The following CNTNAP2 variants were observed in gnomAD, a reference collection of about 807,000 sequenced individuals.
CNTNAP2 encodes contactin associated protein 2.
Under a neutral mutation model 155.2 loss-of-function variants are expected in CNTNAP2, and 98 were observed. That is an observed-to-expected ratio of 0.63 (90% confidence interval 0.54 to 0.75). The LOEUF (loss-of-function observed/expected upper bound fraction) is 0.75. CNTNAP2 is among the 30% of genes least tolerant of loss of function. CNTNAP2 has a pLI of 0.00. For synonymous variants in CNTNAP2, 651 were observed against 631.2 expected, an observed-to-expected ratio of 1.03 and a Z score of -0.47; for missense variants, 1,727 against 1,688.1, an observed-to-expected ratio of 1.02 and a Z score of -0.40.
intron 14 of CNTNAP2, among the ~76,000 whole-genome samples, chr7:147,920,811 T>G (rs982571519): frequency 2.1e-5 from 3 of 144,376 alleles, no homozygotes; most frequent in Admixed American, 2.1e-4. Context: ...CTGTCTTTTT[T>G]TTTTTTTTTT....
At chr7:148,085,968 T>A (rs1388409732) in intron 15 of CNTNAP2, among the ~76,000 whole-genome samples, 1 of 152,234 alleles carries the variant, frequency 6.6e-6, no homozygotes, top group Non-Finnish European at 1.5e-5. Context: ...TTCAGTCACC[T>A]TTCTATTGCA....
At chr7:147,891,257 C>T (rs1031215605) in intron 13 of CNTNAP2, among the ~76,000 whole-genome samples, 14 of 150,824 alleles carry the variant, frequency 9.3e-5, no homozygotes, top group Admixed American at 2.0e-4. Flanking sequence ...CAGGCTGGAG[C>T]GCAGTGGTGA....
chr7:147,435,481 C>G (rs1182673052), intron 10 of CNTNAP2, among the ~76,000 whole-genome samples: 1 of 152,196 alleles, frequency 6.6e-6, no homozygotes, highest in Non-Finnish European at 1.5e-5. Context: ...GGATCTGAGA[C>G]TATATATCCA....
At chr7:148,059,671 G>A (rs1010142245) in intron 15 of CNTNAP2, among the ~76,000 whole-genome samples, 1 of 149,400 alleles carries the variant, frequency 6.7e-6, no homozygotes, top group Non-Finnish European at 1.5e-5. Flanking sequence ...CTTCATGTAG[G>A]TTATTAAAAA....
At chr7:146,225,840 A>C (rs997802422) in intron 1 of CNTNAP2, among the ~76,000 whole-genome samples, 3 of 152,224 alleles carry the variant, frequency 2.0e-5, no homozygotes, top group African/African-American at 7.2e-5. Context: ...TCATATAATT[A>C]GTCTCTTTCT....
chr7:148,141,201 C>T (rs548071309), intron 16 of CNTNAP2, among the ~76,000 whole-genome samples: 1 of 152,294 alleles, frequency 6.6e-6, no homozygotes, highest in African/African-American at 2.4e-5. Flanking sequence ...ATCCAAGGTC[C>T]CTGTTCCTAC....
intron 1 of CNTNAP2, chr7:146,311,839 G>T (rs1346048105): frequency 6.6e-6 from 1 of 150,892 alleles, no homozygotes; most frequent in African/African-American, 2.4e-5. Context: ...ATATATATTA[G>T]ATTTTATAAG....
intron 1 of CNTNAP2, among the ~76,000 whole-genome samples, chr7:146,482,119 C>T (rs1412344206): frequency 6.7e-6 from 1 of 149,580 alleles, no homozygotes; most frequent in Non-Finnish European, 1.5e-5. Context: ...AGTCACAAGA[C>T]TCCAACCAAG....
intron 1 of CNTNAP2, among the ~76,000 whole-genome samples, chr7:146,500,509 G>GT (rs1797285720): frequency 6.6e-6 from 1 of 152,120 alleles, no homozygotes; most frequent in South Asian, 2.1e-4. Context: ...CTATAATCCG[G>GT]TGAGTTTCAG....
intron 21 of CNTNAP2, among the ~76,000 whole-genome samples, chr7:148,331,291 G>A (rs1798003193): frequency 6.6e-6 from 1 of 151,320 alleles, no homozygotes; most frequent in African/African-American, 2.4e-5. Context: ...GGAGTGGATG[G>A]ATGGAGTGGA....
chr7:147,405,309 ATCTT>A (rs1236552353), intron 10 of CNTNAP2, among the ~76,000 whole-genome samples: 2 of 152,236 alleles, frequency 1.3e-5, no homozygotes, highest in East Asian at 3.8e-4. Context: ...CATTTAAAAT[ATCTT>A]TCTTAACAAG....
chr7:147,031,685 A>G (rs1315208024), intron 3 of CNTNAP2, among the ~76,000 whole-genome samples: 1 of 152,238 alleles, frequency 6.6e-6, no homozygotes, highest in Non-Finnish European at 1.5e-5. Flanking sequence ...TGGGAGGCCA[A>G]GCTGGGCAGA....
chr7:147,403,352 C>A (rs556982354), intron 10 of CNTNAP2, among the ~76,000 whole-genome samples: 1 of 152,282 alleles, frequency 6.6e-6, no homozygotes, highest in South Asian at 2.1e-4. Flanking sequence ...ACACCCCAAC[C>A]ACCTTGGCCA....
intron 14 of CNTNAP2, among the ~76,000 whole-genome samples, chr7:147,921,846 CAT>C (rs1224179074): frequency 1.3e-5 from 2 of 152,168 alleles, no homozygotes; most frequent in Non-Finnish European, 1.5e-5. Context: ...ATTCAACAAA[CAT>C]GTGTTGAGTA....
intron 3 of CNTNAP2, among the ~76,000 whole-genome samples, chr7:146,959,547 C>A (rs1797511845): frequency 6.6e-6 from 1 of 151,374 alleles, no homozygotes; most frequent in South Asian, 2.1e-4. Flanking sequence ...TGGTGAAACC[C>A]TGCCTCTACT....
At chr7:147,867,706 A>C (rs1351250072) in intron 13 of CNTNAP2, among the ~76,000 whole-genome samples, 1 of 152,002 alleles carries the variant, frequency 6.6e-6, no homozygotes, top group Non-Finnish European at 1.5e-5. Context: ...TTTGATCTTC[A>C]GTCACTAATA....
At position 148,096,889 on chromosome 7, in the gene CNTNAP2, A is replaced by T. The variant is rs531021560; in HGVS notation, c.2384-21229A>T. On this transcript the variant is annotated intron_variant, in intron 15 of 23. Transcript: ENST00000361727. ...ATATAACTCAAATAATCATTAGCCA[A>T]CCTGAGAGAAGAGGACAGGCTCTGA... is the stretch of plus-strand genomic sequence containing the variant. Among the ~76,000 whole-genome samples the T allele has an allele frequency of 9.9e-5, 15 of 152,274 alleles. No homozygotes were observed. The South Asian group carries it at 2.9e-3, about 29-fold the overall frequency.
chr7:146,653,147 A>G (rs1799944215), intron 1 of CNTNAP2, among the ~76,000 whole-genome samples: 1 of 152,118 alleles, frequency 6.6e-6, no homozygotes. Flanking sequence ...CTCACTAAAG[A>G]GTCTGCTTCT....
At chr7:147,258,819 A>C (rs577503969) in intron 8 of CNTNAP2, among the ~76,000 whole-genome samples, 40 of 152,334 alleles carry the variant, frequency 2.6e-4, no homozygotes, top group African/African-American at 8.9e-4. Flanking sequence ...TGCTGTCTTC[A>C]ATAATTCCAG....
Sources: allele counts gnomAD v4.1 joint callset (sites outside exome capture counted in the v4.1 genomes callset), GRCh38; gene constraint gnomAD v4.1.1; transcripts MANE v1.5; gene names NCBI Gene and HGNC (gene_info 2026-07-23, HGNC 2026-07-21).